LEPR: variants seen among roughly 807,000 people sequenced by gnomAD.
LEPR encodes the protein OB receptor.
In LEPR, 56 loss-of-function variants were observed where a neutral mutation model predicts 114.7. That is an observed-to-expected ratio of 0.49 (90% CI 0.39 to 0.61). The LOEUF is 0.61. LEPR is among the 20% of genes least tolerant of loss of function. The pLI, the probability that LEPR is intolerant of heterozygous loss-of-function variation, is 0.00. For synonymous variants in LEPR, 443 were observed against 461.4 expected, an observed-to-expected ratio of 0.96 and a Z score of 0.51; for missense variants, 1,202 against 1,352.9, an observed-to-expected ratio of 0.89 and a Z score of 1.75.
At chr1:65,616,506 G>A (rs544868752) in intron 15 of LEPR, among the ~76,000 whole-genome samples, 1 of 152,110 alleles carries the variant, frequency 6.6e-6, no homozygotes, top group South Asian at 2.1e-4. Context: ...TGGACCAATG[G>A]AGATCTTTAG....
At chr1:65,628,128 A>G (rs545909307) in intron 19 of LEPR, among the ~76,000 whole-genome samples, 7 of 152,308 alleles carry the variant, frequency 4.6e-5, no homozygotes, top group South Asian at 2.1e-4. Flanking sequence ...TAAAACCACT[A>G]TATGCCAGAC....
intron 18 of LEPR, 152 bp from the exon 19 acceptor site, chr1:65,622,754 A>G: frequency 1.4e-6 from 1 of 735,728 alleles, no homozygotes; most frequent in Non-Finnish European, 2.2e-6. Flanking sequence ...TTTGGTAGAA[A>G]TCTTCATGGG....
rs758475941 is a variant in LEPR at position 65,636,292 on chromosome 1, T to C, written c.2775T>C (p.Asp925=). 4 of 1,613,898 alleles carry C rather than the reference T, an allele frequency of 2.5e-6. No homozygotes were observed. Among genetic ancestry groups the C allele is most frequent in the East Asian group, 2.2e-5 (1 of 44,886 alleles). ...PETISEDISV[D]TSWKNKDEMM... Reference sequence around the variant, plus strand: ...CAATTTCAGAAGATATCAGTGTTGATACATCATGGAAAAATAAAGATGAGA... The same window carrying C: ...CAATTTCAGAAGATATCAGTGTTGACACATCATGGAAAAATAAAGATGAGA... Residue 925 remains aspartate, a synonymous_variant, in exon 20 of 20, where the codon GAT becomes GAC. Coordinates refer to ENST00000349533, the MANE Select transcript of LEPR (RefSeq NM_002303.6).
At position 65,534,269 on chromosome 1, in the gene LEPR, T is replaced by A. The variant is rs1285853489; in HGVS notation, c.-20-31277T>A. ...TAAGAGTTATACACTCTATTTCTAT[T>A]GTTCAGTAACTACTGTGGAAGTTAC... On this transcript the variant is annotated intron_variant, in intron 2 of 19. Transcript: ENST00000349533. Among the ~76,000 whole-genome samples the A allele has an allele frequency of 2.6e-5, 4 of 152,204 alleles. No individual in the cohort carries two copies. The East Asian group carries it at 7.7e-4, about 29-fold the overall frequency.
Position 65,610,244 on chromosome 1 carries a change from T to G in LEPR, c.1943T>G (p.Ile648Arg). 1.2e-6 allele frequency: 2 copies of G among 1,613,980 alleles called. No homozygotes were observed. The highest frequency in any genetic ancestry group is 2.2e-5 in the South Asian group (2 of 91,026). Residue 648 changes from isoleucine (I) to arginine (R), a missense_variant, in exon 14 of 20, where the codon ATA becomes AGA. Coordinates refer to ENST00000349533, the MANE Select transcript of LEPR (RefSeq NM_002303.6). ...VPMRGPEFWR[I>R]INGDTMKKEK... ...ATGAGAGGACCTGAATTTTGGAGAA[T>G]AATTAATGGAGATACTATGAAAAAG... is the stretch of plus-strand genomic sequence containing the variant.
Position 65,570,776 on chromosome 1 carries a change from T to A in LEPR, c.344T>A (p.Val115Glu), listed in dbSNP as rs1012004488. The A allele has an allele frequency of 6.4e-7, 1 of 1,565,002 alleles. No homozygotes were observed. The highest frequency in any genetic ancestry group is 1.4e-5 in the African/African-American group (1 of 73,192). ...GAAGGAAAGACATTTGTTTCAACAGTAAATTCTTTAGTTTTTCAACAAATA... is the reference window on the plus strand; with the variant it reads ...GAAGGAAAGACATTTGTTTCAACAGAAAATTCTTTAGTTTTTCAACAAATA... The part of the protein sequence containing the change: ...NIEGKTFVST[V>E]NSLVFQQIDA... Residue 115 changes from valine (V) to glutamate (E), a missense_variant, in exon 4 of 20, where the codon GTA becomes GAA. Physicochemically the swap from Val to Glu is moderately radical, Grantham distance 121. Transcript: ENST00000349533.
chr1:65,568,054 T>C (rs1256717334), intron 3 of LEPR, among the ~76,000 whole-genome samples: 1 of 152,196 alleles, frequency 6.6e-6, no homozygotes, highest in Non-Finnish European at 1.5e-5. Context: ...ACCCATCCTT[T>C]GTGGCCTTCC....
intron 2 of LEPR, among the ~76,000 whole-genome samples, chr1:65,538,387 T>C (rs1570637585): frequency 6.6e-6 from 1 of 152,140 alleles, no homozygotes; most frequent in East Asian, 1.9e-4. Context: ...GGACTAGTCA[T>C]TTGAAAGTTT....
intron 2 of LEPR, among the ~76,000 whole-genome samples, chr1:65,441,993 A>C (rs1165932640): frequency 6.6e-6 from 1 of 152,136 alleles, no homozygotes; most frequent in Non-Finnish European, 1.5e-5. Flanking sequence ...AATGGTTTGC[A>C]AGTGGGGTTA....
At chr1:65,502,993 G>A (rs1190611751) in intron 2 of LEPR, among the ~76,000 whole-genome samples, 1 of 151,860 alleles carries the variant, frequency 6.6e-6, no homozygotes, top group Non-Finnish European at 1.5e-5. Flanking sequence ...GTATGGATGA[G>A]GGAGGGAGAG....
At chr1:65,564,766 G>A (rs966050997) in intron 2 of LEPR, among the ~76,000 whole-genome samples, 2 of 152,206 alleles carry the variant, frequency 1.3e-5, no homozygotes, top group Non-Finnish European at 2.9e-5. Flanking sequence ...ATTACCGGAA[G>A]AGCTTAGCCT....
intron 2 of LEPR, chr1:65,433,008 T>C (rs144181350): frequency 1.0e-6 from 1 of 985,440 alleles, no homozygotes; most frequent in Non-Finnish European, 1.2e-6. Flanking sequence ...ATGTATCTTT[T>C]CATCTGAAAG....
At chr1:65,608,671 T>C in intron 11 of LEPR, 82 bp from the exon 12 acceptor site, 1 of 1,427,104 alleles carries the variant, frequency 7.0e-7, no homozygotes, top group Admixed American at 2.0e-5. Context: ...TGAATACAGA[T>C]GTATGAAAAT....
chr1:65,496,389 T>C (rs1476816917), intron 2 of LEPR, among the ~76,000 whole-genome samples: 2 of 151,962 alleles, frequency 1.3e-5, no homozygotes, highest in African/African-American at 2.4e-5. Context: ...CCTGGGCAAG[T>C]TGGCGAAACC....
At chr1:65,449,307 C>G (rs1335172167) in intron 2 of LEPR, among the ~76,000 whole-genome samples, 5 of 136,462 alleles carry the variant, frequency 3.7e-5, no homozygotes. Flanking sequence ...AAAAAAAGAG[C>G]AATTGAATTG....
intron 2 of LEPR, among the ~76,000 whole-genome samples, chr1:65,513,236 T>G (rs535613758): frequency 4.3e-4 from 66 of 152,178 alleles, no homozygotes; most frequent in Non-Finnish European, 9.0e-4. Flanking sequence ...TAGATCCATG[T>G]GCTTGGTGTT....
chr1:65,512,770 G>T (rs1381376989), intron 2 of LEPR, among the ~76,000 whole-genome samples: 1 of 152,120 alleles, frequency 6.6e-6, no homozygotes, highest in Non-Finnish European at 1.5e-5. Flanking sequence ...TGAAGGAAAA[G>T]AAATGGGAGC....
intron 5 of LEPR, among the ~76,000 whole-genome samples, chr1:65,591,661 T>G (rs1655705284): frequency 6.6e-6 from 1 of 152,062 alleles, no homozygotes; most frequent in African/African-American, 2.4e-5. Flanking sequence ...TTTTGACTAA[T>G]CTTATAATGG....
intron 2 of LEPR, among the ~76,000 whole-genome samples, chr1:65,540,379 T>C (rs1651105856): frequency 6.6e-6 from 1 of 152,174 alleles, no homozygotes; most frequent in Admixed American, 6.5e-5. Flanking sequence ...ATTTGGGTCA[T>C]GGGGTGGGTC....
Sources: allele counts gnomAD v4.1 joint callset (sites outside exome capture counted in the v4.1 genomes callset), GRCh38; gene constraint gnomAD v4.1.1; transcripts MANE v1.5; gene names NCBI Gene and HGNC (gene_info 2026-07-23, HGNC 2026-07-21).